The following TOGARAM1 variants were observed in gnomAD, a reference collection of about 807,000 sequenced individuals.
TOGARAM1 encodes TOG array regulator of axonemal microtubules 1.
Under a neutral mutation model 166.6 loss-of-function variants are expected in TOGARAM1, and 100 were observed. The observed-to-expected ratio is 0.60, with a 90% CI of 0.51 to 0.71. The LOEUF (loss-of-function observed/expected upper bound fraction) is 0.71, where lower values mean the gene tolerates loss of function less well. TOGARAM1 is among the 30% of genes least tolerant of loss of function. The pLI, the probability that TOGARAM1 is intolerant of heterozygous loss-of-function variation, is 0.00. For missense variants in TOGARAM1, 2,029 were observed against 2,102.7 expected (o/e 0.96, Z 0.69); for synonymous variants, 758 against 763.8 (o/e 0.99, Z 0.13).
chr14:45,050,201 T>C (rs370798076), intron 14 of TOGARAM1, among the ~76,000 whole-genome samples: 2 of 152,196 alleles, frequency 1.3e-5, no homozygotes, highest in Admixed American at 1.3e-4. Flanking sequence ...TTCTCTGACA[T>C]CACTTCTCTT....
intron 7 of TOGARAM1, among the ~76,000 whole-genome samples, chr14:45,016,257 G>A (rs918706926): frequency 5.3e-5 from 8 of 152,184 alleles, no homozygotes; most frequent in African/African-American, 1.4e-4. Flanking sequence ...TAAGCTGGAG[G>A]TGGTGGTGTG....
intron 1 of TOGARAM1, among the ~76,000 whole-genome samples, chr14:44,987,235 A>G (rs906869430): frequency 2.0e-5 from 3 of 151,752 alleles, no homozygotes; most frequent in African/African-American, 7.3e-5. Flanking sequence ...CACTGTGCCC[A>G]GCCATAACAT....
intron 7 of TOGARAM1, among the ~76,000 whole-genome samples, chr14:45,013,560 A>T (rs749538861): frequency 2.6e-5 from 4 of 152,230 alleles, no homozygotes; most frequent in African/African-American, 4.8e-5. Flanking sequence ...GTTTAATAAT[A>T]GTATTCATAC....
chr14:45,059,697 C>G (rs1171842067), intron 16 of TOGARAM1, among the ~76,000 whole-genome samples: 2 of 151,734 alleles, frequency 1.3e-5, no homozygotes, highest in Admixed American at 1.3e-4. Context: ...AAAACAAACA[C>G]TATTGAAAAA....
intron 11 of TOGARAM1, among the ~76,000 whole-genome samples, chr14:45,035,838 A>G (rs2138928720): frequency 6.6e-6 from 1 of 151,930 alleles, no homozygotes; most frequent in South Asian, 2.1e-4. Flanking sequence ...TGGGCCAGGC[A>G]TGGTGGCTCA....
At chr14:45,001,047 A>C (rs1399583033) in intron 3 of TOGARAM1, among the ~76,000 whole-genome samples, 1 of 152,168 alleles carries the variant, frequency 6.6e-6, no homozygotes. Context: ...TAGTGTTTTG[A>C]GGAACTTCCT....
At chr14:45,042,526 A>G (rs2138946102) in intron 11 of TOGARAM1, among the ~76,000 whole-genome samples, 1 of 152,250 alleles carries the variant, frequency 6.6e-6, no homozygotes, top group East Asian at 1.9e-4. Flanking sequence ...GAAGAAAACA[A>G]CTAATAGAAA....
At chr14:44,977,798 A>T (rs1201807862) in intron 1 of TOGARAM1, among the ~76,000 whole-genome samples, 2 of 152,004 alleles carry the variant, frequency 1.3e-5, no homozygotes, top group East Asian at 3.9e-4. Context: ...GGCGTGTGCC[A>T]CCATGCCCAG....
At chr14:45,011,248 T>G (rs1002778121) in intron 6 of TOGARAM1, among the ~76,000 whole-genome samples, 1 of 152,194 alleles carries the variant, frequency 6.6e-6, no homozygotes, top group African/African-American at 2.4e-5. Context: ...CAAGTCTGTA[T>G]TTTTGTGTTA....
rs749155501 is a variant in TOGARAM1, at chr14:45,071,761, T to C, written c.5019T>C (p.Asn1673=). 5.0e-6 allele frequency: 8 copies of C among 1,612,070 alleles called. No individual in the cohort carries two copies. In the Admixed American group the frequency reaches 8.4e-5, roughly 17 times the overall value. The change falls in exon 19 of 20, where the codon AAT becomes AAC. Residue 1673 remains asparagine (N), a synonymous_variant. Transcript: ENST00000361462. ...QPFCTKAQFL[N]GKAKQDMTEK... ...TTTGCACAAAAGCTCAGTTTTTAAATGGAAAAGCAAAACAGGACATGACGG... is the reference window on the plus strand; with the variant it reads ...TTTGCACAAAAGCTCAGTTTTTAAACGGAAAAGCAAAACAGGACATGACGG...
intron 7 of TOGARAM1, among the ~76,000 whole-genome samples, chr14:45,022,381 G>T (rs538722139): frequency 6.8e-6 from 1 of 147,938 alleles, no homozygotes; most frequent in East Asian, 2.0e-4. Context: ...CCTAGGTAAT[G>T]GCCTGTTCTT....
chr14:44,989,939 G>T (rs1887041040), intron 1 of TOGARAM1, among the ~76,000 whole-genome samples: 1 of 152,184 alleles, frequency 6.6e-6, no homozygotes, highest in South Asian at 2.1e-4. Context: ...CAGCAGGTGA[G>T]AGAGAGCGAA....
intron 13 of TOGARAM1, among the ~76,000 whole-genome samples, chr14:45,045,543 G>GTGTGTGTGTGTATATATA (rs1457434775): frequency 2.6e-5 from 1 of 38,922 alleles, no homozygotes; most frequent in African/African-American, 9.2e-5. Context: ...GTCTGTGTGT[G>GTGTGTGTGTGTATATATA]TATATATATA....
intron 7 of TOGARAM1, among the ~76,000 whole-genome samples, chr14:45,018,060 AG>A (rs1321033516): frequency 6.6e-6 from 1 of 152,228 alleles, no homozygotes; most frequent in African/African-American, 2.4e-5. Context: ...AATAAATGTT[AG>A]GTTGGTGCAA....
At chr14:45,060,120 G>T (rs546830565) in intron 16 of TOGARAM1, among the ~76,000 whole-genome samples, 2 of 149,644 alleles carry the variant, frequency 1.3e-5, no homozygotes, top group African/African-American at 4.9e-5. Flanking sequence ...GGGTTTCACC[G>T]TGTTAGCCAG....
intron 13 of TOGARAM1, 53 bp downstream of exon 13, chr14:45,044,923 A>G: frequency 7.5e-7 from 1 of 1,333,454 alleles, no homozygotes; most frequent in South Asian, 1.3e-5. Context: ...GAAATGTTGC[A>G]ATCGGGACTG....
At chr14:45,000,700 C>G (rs1043696139) in intron 3 of TOGARAM1, among the ~76,000 whole-genome samples, 2 of 152,120 alleles carry the variant, frequency 1.3e-5, no homozygotes, top group Non-Finnish European at 2.9e-5. Context: ...TGATTTCCTT[C>G]TTTCGATATA....
intron 1 of TOGARAM1, among the ~76,000 whole-genome samples, chr14:44,969,831 C>G (rs919183765): frequency 6.6e-6 from 1 of 152,140 alleles, no homozygotes; most frequent in African/African-American, 2.4e-5. Context: ...GCCTTTACTT[C>G]TTTGTCAAAG....
At chr14:45,049,766 A>G (rs1334640674) in intron 14 of TOGARAM1, among the ~76,000 whole-genome samples, 1 of 152,168 alleles carries the variant, frequency 6.6e-6, no homozygotes, top group Non-Finnish European at 1.5e-5. Context: ...AAAAAATTCA[A>G]GAGGGTTAGA....
Sources: gnomAD v4.1 joint callset for allele counts (sites outside exome capture counted in the v4.1 genomes callset) on GRCh38, gnomAD v4.1.1 for gene constraint, MANE v1.5 for transcripts, NCBI Gene and HGNC (gene_info 2026-07-23, HGNC 2026-07-21) for gene names.